FAT3: variants seen among roughly 807,000 people sequenced by gnomAD.
FAT3 encodes the protein protocadherin Fat 3.
Under a neutral mutation model 310.2 loss-of-function variants are expected in FAT3, and 95 were observed. The ratio of observed to expected loss-of-function variants is 0.31; its 90% CI spans 0.26 to 0.36. FAT3 has a LOEUF of 0.36. Ranked by LOEUF, FAT3 falls within the 10% of genes least tolerant of loss-of-function variation. The probability of loss-of-function intolerance (pLI) is 1.00; values close to 1 mark genes in which losing one functional copy is unlikely to be tolerated. For synonymous variants in FAT3, 2,314 were observed against 2,192.9 expected (o/e 1.06, Z -1.54); for missense variants, 5,408 against 5,715.6 (o/e 0.95, Z 1.74).
intron 2 of FAT3, among the ~76,000 whole-genome samples, chr11:92,411,636 A>C (rs182290009): frequency 6.6e-6 from 1 of 152,258 alleles, no homozygotes; most frequent in Non-Finnish European, 1.5e-5. Flanking sequence ...GTGGTGATTA[A>C]GTTGGGTGGG....
intron 3 of FAT3, among the ~76,000 whole-genome samples, chr11:92,576,511 T>C (rs2135519452): frequency 6.6e-6 from 1 of 152,298 alleles, no homozygotes; most frequent in South Asian, 2.1e-4. Context: ...AGTACAGTCC[T>C]TGGAACACTT....
chr11:92,830,139 A>G (rs550628709), intron 13 of FAT3, among the ~76,000 whole-genome samples: 5 of 152,228 alleles, frequency 3.3e-5, no homozygotes, highest in Non-Finnish European at 4.4e-5. Context: ...TAGGATCAGA[A>G]TGGTGCTTTT....
At chr11:92,557,931 GA>G (rs564151076) in intron 3 of FAT3, among the ~76,000 whole-genome samples, 67 of 152,314 alleles carry the variant, frequency 4.4e-4, no homozygotes, top group Non-Finnish European at 9.0e-4. Context: ...GACAAAATGT[GA>G]GCCTGAAGGC....
At chr11:92,285,060 A>G (rs1301753219) in intron 1 of FAT3, among the ~76,000 whole-genome samples, 1 of 152,166 alleles carries the variant, frequency 6.6e-6, no homozygotes, top group Non-Finnish European at 1.5e-5. Flanking sequence ...ATGAGAGGTG[A>G]GTGGAAACAC....
intron 3 of FAT3, among the ~76,000 whole-genome samples, chr11:92,534,531 A>C (rs79645758): frequency 0.013 from 1,945 of 152,342 alleles, 34 homozygotes; most frequent in African/African-American, 0.045. Flanking sequence ...ATTGTTCCCC[A>C]AAAAGACACA....
At chr11:92,320,853 G>A (rs4526740) in intron 1 of FAT3, among the ~76,000 whole-genome samples, 36,751 of 149,968 alleles carry the variant, frequency 0.25, 9,185 homozygotes, top group African/African-American at 0.65. Flanking sequence ...CTGGGCAATG[G>A]AGCGAAACTC....
intron 1 of FAT3, among the ~76,000 whole-genome samples, chr11:92,267,570 A>G (rs979980287): frequency 4.0e-5 from 6 of 151,082 alleles, no homozygotes; most frequent in African/African-American, 1.5e-4. Context: ...AAGTATGAAA[A>G]GAAAAAAAAA....
chr11:92,669,152 T>C (rs908748463), intron 3 of FAT3, among the ~76,000 whole-genome samples: 5 of 152,236 alleles, frequency 3.3e-5, no homozygotes, highest in African/African-American at 1.2e-4. Context: ...CCCTGTTCCA[T>C]GCTCTAGGAT....
chr11:92,871,935 G>A (rs79800721), intron 22 of FAT3, among the ~76,000 whole-genome samples: 2 of 151,968 alleles, frequency 1.3e-5, no homozygotes, highest in African/African-American at 4.8e-5. Context: ...GGACATTCAG[G>A]AATTGAGAGT....
At position 92,834,939 on chromosome 11, in the gene FAT3, A is replaced by G. The variant is rs1565634820; in HGVS notation, c.9941A>G (p.Lys3314Arg). The change falls in exon 15 of 28, where the codon AAA becomes AGA. Residue 3314 changes from lysine to arginine, a missense_variant. By Grantham distance (26) the Lys-to-Arg change is conservative (BLOSUM62 2). Around this residue, in one of 5 missense-constraint regions of FAT3, gnomAD observed 4,588 missense variants for 4,809.8 expected, o/e 0.95. Coordinates refer to ENST00000525166, the MANE Select transcript of FAT3 (RefSeq NM_001367949.2). ...CKRFYLVVEAKDGGTPALSAV... is the reference protein window; with the variant it reads ...CKRFYLVVEARDGGTPALSAV... ...AGGTTTTACCTGGTAGTGGAAGCCA[A>G]AGATGGGGGCACCCCAGCTCTCAGC... 6.2e-7 allele frequency: 1 copy of G among 1,613,200 alleles called. No individual in the cohort carries two copies. Among genetic ancestry groups the G allele is most frequent in the Non-Finnish European group, 8.5e-7 (1 of 1,179,596 alleles).
At chr11:92,330,840 G>T (rs2134534760) in intron 1 of FAT3, among the ~76,000 whole-genome samples, 1 of 152,130 alleles carries the variant, frequency 6.6e-6, no homozygotes, top group East Asian at 1.9e-4. Context: ...TTAAATATCT[G>T]ATAAACACAA....
At chr11:92,768,793 G>C (rs930288546) in intron 6 of FAT3, among the ~76,000 whole-genome samples, 2 of 152,144 alleles carry the variant, frequency 1.3e-5, no homozygotes, top group Non-Finnish European at 2.9e-5. Flanking sequence ...ATAAGTATGG[G>C]CCTTGCCTAG....
At chr11:92,633,895 T>C (rs1051472145) in intron 3 of FAT3, among the ~76,000 whole-genome samples, 1 of 152,202 alleles carries the variant, frequency 6.6e-6, no homozygotes, top group African/African-American at 2.4e-5. Flanking sequence ...GATAGAAAGA[T>C]TAATGTATCT....
intron 13 of FAT3, among the ~76,000 whole-genome samples, chr11:92,829,409 G>A (rs1172090977): frequency 1.3e-5 from 2 of 152,144 alleles, no homozygotes; most frequent in African/African-American, 4.8e-5. Flanking sequence ...TATGTCAATC[G>A]CTGATGTGTT....
At chr11:92,601,297 C>A (rs1242352784) in intron 3 of FAT3, among the ~76,000 whole-genome samples, 2 of 152,056 alleles carry the variant, frequency 1.3e-5, no homozygotes, top group Admixed American at 1.3e-4. Context: ...CAGTGACTCA[C>A]CCCTGTAATC....
chr11:92,873,613 T>C (rs1949448734), intron 22 of FAT3, among the ~76,000 whole-genome samples: 1 of 152,268 alleles, frequency 6.6e-6, no homozygotes, highest in African/African-American at 2.4e-5. Context: ...CCCAAATTAA[T>C]GCTATAATTG....
intron 1 of FAT3, among the ~76,000 whole-genome samples, chr11:92,277,078 G>A (rs1299239331): frequency 6.6e-6 from 1 of 151,864 alleles, no homozygotes; most frequent in Non-Finnish European, 1.5e-5. Flanking sequence ...ATCAATTTTT[G>A]TTGTTTTCAA....
intron 3 of FAT3, among the ~76,000 whole-genome samples, chr11:92,601,349 C>T (rs533646692): frequency 6.6e-6 from 1 of 152,194 alleles, no homozygotes; most frequent in East Asian, 1.9e-4. Flanking sequence ...CACCTGAGGT[C>T]AGGAGTTTGA....
chr11:92,606,038 G>A (rs1366904713), intron 3 of FAT3, among the ~76,000 whole-genome samples: 8 of 152,070 alleles, frequency 5.3e-5, no homozygotes, highest in Non-Finnish European at 7.4e-5. Context: ...GCAAGTTAGG[G>A]TATTATAAAG....
Sources: gnomAD v4.1 joint callset for allele counts (sites outside exome capture counted in the v4.1 genomes callset) on GRCh38, gnomAD v4.1.1 for gene constraint, gnomAD v4.1.1 regional missense constraint, MANE v1.5 for transcripts, NCBI Gene and HGNC (gene_info 2026-07-23, HGNC 2026-07-21) for gene names.